Variants in ZNF483 observed in about 807,000 individuals in gnomAD.
ZNF483 encodes zinc finger protein 483, also known as zinc finger protein HIT-10.
Under a neutral mutation model 28.6 loss-of-function variants are expected in ZNF483, and 9 were observed. The ratio of observed to expected loss-of-function variants is 0.32; its 90% confidence interval spans 0.19 to 0.55. The LOEUF is 0.55. Among genes scored for constraint, ZNF483 ranks in the 20% least tolerant of loss-of-function variants. The probability of loss-of-function intolerance (pLI) is 0.93; values close to 1 mark genes in which losing one functional copy is unlikely to be tolerated. For synonymous variants in ZNF483, 322 were observed against 306.2 expected (o/e 1.05, Z -0.54); for missense variants, 675 against 871.7 (o/e 0.77, Z 2.84).
chr9:111,542,145 A>G lies in ZNF483; in HGVS notation c.1210A>G (p.Thr404Ala), dbSNP rs778940280. The change falls in exon 6 of 6, where the codon ACT becomes GCT. Residue 404 changes from threonine to alanine, a missense_variant. Thr to Ala is a moderately conservative substitution (Grantham distance 58). This residue lies in a region of ZNF483 where 525 missense variants were observed against 581.8 expected (regional missense o/e 0.90). Coordinates refer to ENST00000309235, the MANE Select transcript of ZNF483 (RefSeq NM_133464.5). This position sits in a 1 kb window ranked among gnomAD's most constrained non-coding sequence, Gnocchi z 6.2. Reference sequence around the variant, plus strand: ...TGGGATAATCTTTATTAGAAGATCAACTCTTTCTAGGAGAAAAACCCCTAT... The same window carrying G: ...TGGGATAATCTTTATTAGAAGATCAGCTCTTTCTAGGAGAAAAACCCCTAT... ...KCGIIFIRRS[T>A]LSRRKTPMCE... The G allele has an allele frequency of 1.2e-6, 2 of 1,614,090 alleles. No individual in the cohort carries two copies. Among genetic ancestry groups the G allele is most frequent in the South Asian group, 1.1e-5 (1 of 91,082 alleles).
rs1828051719 is a variant in ZNF483, at chr9:111,554,134, C to A, written c.*10964C>A. Reference sequence around the variant, plus strand: ...GGATATTTTAAAATCTGGAGATTATCACAACTACAACTATTGACATCACAA... The same window carrying A: ...GGATATTTTAAAATCTGGAGATTATAACAACTACAACTATTGACATCACAA... On this transcript the variant is annotated 3_prime_UTR_variant, in exon 6 of 6. Transcript: ENST00000309235. Among the ~76,000 whole-genome samples, 1 of 152,190 alleles carries A rather than the reference C, an allele frequency of 6.6e-6. No individual in the cohort carries two copies. The highest frequency in any genetic ancestry group is 2.1e-4 in the South Asian group (1 of 4,828).
rs1163071284 is a variant in ZNF483 at position 111,549,976 on chromosome 9, G to C, written c.*6806G>C. 6.6e-6 allele frequency among the ~76,000 whole-genome samples: 1 copy of C among 152,146 alleles called. No homozygotes were observed. The highest frequency in any genetic ancestry group is 1.5e-5 in the Non-Finnish European group (1 of 68,010). ...TGCATCGTGATTGTTTTTGTTGACA[G>C]CTAGACATTTGAATTTTATAATGTG... On this transcript the variant is annotated 3_prime_UTR_variant, in exon 6 of 6. Transcript: ENST00000309235.
In ZNF483 at chr9:111,544,464, C is replaced by CAGCTTGTCTTAAAAAAAA; in HGVS notation, c.*1294_*1295insAGCTTGTCTTAAAAAAAA. The CAGCTTGTCTTAAAAAAAA allele has an allele frequency of 1.1e-5, 8 of 705,872 alleles. No homozygotes were observed. The highest frequency in any genetic ancestry group is 1.4e-5 in the Non-Finnish European group (8 of 574,376). 43.7% of individuals were successfully genotyped at this position (705,872 alleles called of 1,614,324 possible). On this transcript the variant is annotated 3_prime_UTR_variant, in exon 6 of 6. Coordinates refer to ENST00000309235, the MANE Select transcript of ZNF483 (RefSeq NM_133464.5). ...AATTATAAGGGCTAACAACACTGGG[C>CAGCTTGTCTTAAAAAAAA]TTTTATTTATGTAAAGCACTCAGCT...
intron 5 of ZNF483, among the ~76,000 whole-genome samples, chr9:111,535,701 G>T (rs1327663183): frequency 6.6e-6 from 1 of 151,682 alleles, no homozygotes; most frequent in Non-Finnish European, 1.5e-5. Context: ...GTGCCACCAC[G>T]CCAAGCTAAT....
intron 5 of ZNF483, among the ~76,000 whole-genome samples, chr9:111,538,705 A>G (rs966705669): frequency 5.3e-5 from 8 of 152,170 alleles, no homozygotes; most frequent in Admixed American, 1.3e-4. Context: ...ATTATCTTAC[A>G]TAAAAGAAAA....
rs146522201 is a variant in ZNF483 at position 111,549,148 on chromosome 9, G to T, written c.*5978G>T. Among the ~76,000 whole-genome samples, 1 of 152,102 alleles carries T rather than the reference G, an allele frequency of 6.6e-6. No individual in the cohort carries two copies. The highest frequency in any genetic ancestry group is 1.5e-5 in the Non-Finnish European group (1 of 68,012). Reference sequence around the variant, plus strand: ...ATAGAGAGTCACTGAGTCACTGGAGGTTCTCTGTGTGTGTGAGTGTATAAA... The same window carrying T: ...ATAGAGAGTCACTGAGTCACTGGAGTTTCTCTGTGTGTGTGAGTGTATAAA... On this transcript the variant is annotated 3_prime_UTR_variant, in exon 6 of 6. Coordinates refer to ENST00000309235, the MANE Select transcript of ZNF483 (RefSeq NM_133464.5).
intron 5 of ZNF483, among the ~76,000 whole-genome samples, chr9:111,561,137 AG>A (rs11310097): frequency 0.039 from 1,374 of 35,640 alleles, 95 homozygotes; most frequent in East Asian, 0.065. Flanking sequence ...AGAGAGAGAG[AG>A]GAGAGAGAGG....
At chr9:111,529,476 C>T (rs1363580193) in intron 2 of ZNF483, among the ~76,000 whole-genome samples, 1 of 152,186 alleles carries the variant, frequency 6.6e-6, no homozygotes, top group Non-Finnish European at 1.5e-5. Flanking sequence ...GATGCCTCTT[C>T]TCTGTCTTAA....
At chr9:111,574,942 A>C in intron 5 of ZNF483, 1 of 916,850 alleles carries the variant, frequency 1.1e-6, no homozygotes. Flanking sequence ...CTGTTTTAGC[A>C]GCAACAAAAC....
chr9:111,556,113 C>T (rs1828113910), downstream of ZNF483, among the ~76,000 whole-genome samples: 1 of 152,234 alleles, frequency 6.6e-6, no homozygotes, highest in South Asian at 2.1e-4. Flanking sequence ...GAGAGATTGA[C>T]CAAGACAAAG....
chr9:111,538,311 T>G (rs541549406), intron 5 of ZNF483, among the ~76,000 whole-genome samples: 1 of 152,110 alleles, frequency 6.6e-6, no homozygotes, highest in South Asian at 2.1e-4. Flanking sequence ...AGCCAGGAGT[T>G]TGAGACCAGC....
Position 111,533,880 on chromosome 9 carries a change from T to C in ZNF483, c.628+15T>C, listed in dbSNP as rs1193867914. 1.9e-6 allele frequency: 3 copies of C among 1,588,906 alleles called. No homozygotes were observed. Among genetic ancestry groups the C allele is most frequent in the Non-Finnish European group, 1.7e-6 (2 of 1,174,002 alleles). On this transcript the variant is annotated intron_variant, in intron 4 of 5. Transcript: ENST00000309235. ...AGAATTTCTGGGTAAAGACACCTTT[T>C]CTTCATTACCTAGCGTTTAACCTTG...
chr9:111,542,915 A>G lies in ZNF483; in HGVS notation c.1980A>G (p.Val660=), dbSNP rs779987615. The change falls in exon 6 of 6, where the codon GTA becomes GTG. Residue 660 remains valine (V), a synonymous_variant. Transcript: ENST00000309235. This position sits in a 1 kb window ranked among gnomAD's most constrained non-coding sequence, Gnocchi z 6.2. ...GTCATCAGAGAATTCATACTGGTGTAAAACCTTATAAATGTAAAGAATGTG... is the reference window on the plus strand; with the variant it reads ...GTCATCAGAGAATTCATACTGGTGTGAAACCTTATAAATGTAAAGAATGTG... ...LSRHQRIHTG[V]KPYKCKECGK... 13 of 1,614,038 alleles carry G rather than the reference A, an allele frequency of 8.1e-6. No homozygotes were observed. Among genetic ancestry groups the G allele is most frequent in the Non-Finnish European group, 1.1e-5 (13 of 1,180,032 alleles).
chr9:111,527,119 A>T (rs528033978), intron 1 of ZNF483, 149 bp from the exon 2 acceptor site: 14 of 242,482 alleles, frequency 5.8e-5, no homozygotes, highest in Admixed American at 2.9e-4. Context: ...AAAAAGAAAG[A>T]AAGTTATCCT....
downstream of ZNF483, among the ~76,000 whole-genome samples, chr9:111,559,593 C>T (rs1239469454): frequency 6.6e-6 from 1 of 151,858 alleles, no homozygotes; most frequent in Non-Finnish European, 1.5e-5. Flanking sequence ...TCCACACACA[C>T]ACACTCACAC....
intron 5 of ZNF483, among the ~76,000 whole-genome samples, chr9:111,538,074 ATAGAC>A (rs1432960939): frequency 6.6e-6 from 1 of 151,982 alleles, no homozygotes; most frequent in African/African-American, 2.4e-5. Context: ...AAATGACAAA[ATAGAC>A]TAGTATCTAT....
intron 5 of ZNF483, chr9:111,569,994 G>C: frequency 6.4e-7 from 1 of 1,562,016 alleles, no homozygotes. Flanking sequence ...TGACGATGCG[G>C]CAGAGATGGG....
At chr9:111,527,031 G>A (rs1055525296) in intron 1 of ZNF483, among the ~76,000 whole-genome samples, 1 of 151,992 alleles carries the variant, frequency 6.6e-6, no homozygotes, top group Non-Finnish European at 1.5e-5. Flanking sequence ...ACCCAGCCGG[G>A]GCAGAGGTTG....
At position 111,546,850 on chromosome 9, in the gene ZNF483, T is replaced by C. The variant is rs909495404; in HGVS notation, c.*3680T>C. 6.6e-6 allele frequency among the ~76,000 whole-genome samples: 1 copy of C among 152,122 alleles called. No individual in the cohort carries two copies. The highest frequency in any genetic ancestry group is 2.4e-5 in the African/African-American group (1 of 41,448). The stretch of plus-strand genomic sequence containing the variant: ...TAAACAGTAACTCCCCATTTTCTCC[T>C]CCTCAGGCTCCTGGTAACCACTGTT... On this transcript the variant is annotated 3_prime_UTR_variant, in exon 6 of 6. Coordinates refer to ENST00000309235, the MANE Select transcript of ZNF483 (RefSeq NM_133464.5).
Sources: gnomAD v4.1 joint callset for allele counts (sites outside exome capture counted in the v4.1 genomes callset) on GRCh38, gnomAD v4.1.1 for gene constraint, gnomAD v4.1.1 regional missense constraint, Gnocchi (gnomAD v3.1) non-coding constraint, MANE v1.5 for transcripts, NCBI Gene and HGNC (gene_info 2026-07-23, HGNC 2026-07-21) for gene names.